Variants in MIOS observed in about 807,000 individuals in gnomAD.
MIOS encodes the protein meiosis regulator for oocyte development, also known as GATOR2 complex protein MIOS.
Under a neutral mutation model 96.9 loss-of-function variants are expected in MIOS, and 52 were observed. The ratio of observed to expected loss-of-function variants is 0.54; its 90% confidence interval spans 0.43 to 0.68. The LOEUF (loss-of-function observed/expected upper bound fraction) is 0.68. Among genes scored for constraint, MIOS ranks in the 30% least tolerant of loss-of-function variants. The probability of loss-of-function intolerance (pLI) is 0.00; values close to 1 mark genes in which losing one functional copy is unlikely to be tolerated. For missense variants in MIOS, 1,005 were observed against 1,052.8 expected (o/e 0.95, Z 0.63); for synonymous variants, 397 against 359.5 (o/e 1.10, Z -1.18).
In MIOS at chr7:7,573,333, A is replaced by T; in HGVS notation, c.858A>T (p.Leu286Phe). The T allele has an allele frequency of 6.2e-7, 1 of 1,614,138 alleles. No individual in the cohort carries two copies. Residue 286 changes from leucine to phenylalanine, a missense_variant, in exon 4 of 13, where the codon TTA (leucine) becomes TTT (phenylalanine). Leu to Phe is a conservative substitution (Grantham distance 22). Transcript: ENST00000340080. This position sits in a 1 kb window ranked among gnomAD's most constrained non-coding sequence, Gnocchi z 5.0. ...CTAGGACTGGTCTACTTGCCACTTT[A>T]ACAAGGGATAGTAATATTATTAGAT... The part of the protein sequence containing the change: ...CPTRTGLLAT[L>F]TRDSNIIRLY...
rs17464197 is a variant in MIOS, at chr7:7,585,608, T to C, written c.1649-28T>C. 8.1e-3 allele frequency: 12,513 copies of C among 1,550,810 alleles called. 83 individuals are homozygous for C. The highest frequency in any genetic ancestry group is 0.023 in the Admixed American group (1,166 of 50,122). ...AGAGATATTAAGCTTTTGATCACTT[T>C]GATTAGCTGGCTGTTTTTAATATGC... On this transcript the variant is annotated intron_variant, in intron 6 of 12. Coordinates refer to ENST00000340080, the MANE Select transcript of MIOS (RefSeq NM_019005.4).
intron 7 of MIOS, among the ~76,000 whole-genome samples, chr7:7,586,568 C>A (rs1320250482): frequency 6.6e-6 from 1 of 152,078 alleles, no homozygotes; most frequent in East Asian, 1.9e-4. Context: ...GCTACTGTAC[C>A]ATTTCTTATC....
chr7:7,603,609 TGGTG>T (rs1376593055), intron 11 of MIOS, among the ~76,000 whole-genome samples: 1 of 152,206 alleles, frequency 6.6e-6, no homozygotes, highest in Non-Finnish European at 1.5e-5. Context: ...TTTACACTGT[TGGTG>T]GGACTGTAAA....
intron 1 of MIOS, 197 bp downstream of exon 1, chr7:7,567,269 G>T (rs1425970352): frequency 6.6e-6 from 1 of 152,384 alleles, no homozygotes; most frequent in East Asian, 1.9e-4. Context: ...GCGGCCGTGG[G>T]ACCTGCGGAG....
At chr7:7,603,515 C>G (rs937744299) in intron 11 of MIOS, among the ~76,000 whole-genome samples, 32 of 152,246 alleles carry the variant, frequency 2.1e-4, no homozygotes, top group Non-Finnish European at 4.4e-4. Flanking sequence ...CAATGAGATA[C>G]CATCTCACAC....
At position 7,608,921 on chromosome 7, in the gene MIOS, G is replaced by A. The variant is rs1362860941; in HGVS notation, c.*1829G>A. On this transcript the variant is annotated 3_prime_UTR_variant, in exon 13 of 13. Coordinates refer to ENST00000340080, the MANE Select transcript of MIOS (RefSeq NM_019005.4). ...TGTGTCAACCTCTTAAATGTTTTCT[G>A]TGAAGCCCAAACATGCAGTTTATGT... The A allele has an allele frequency of 1.3e-5, 2 of 151,988 alleles. No homozygotes were observed. The highest frequency in any genetic ancestry group is 2.9e-5 in the Non-Finnish European group (2 of 67,946). 9.4% of individuals were successfully genotyped at this position (151,988 alleles called of 1,614,324 possible). A position where few individuals can be genotyped will look rare whatever the true frequency, so the allele number is the denominator to read the frequency against.
chr7:7,569,350 T>C (rs902564265), intron 3 of MIOS, among the ~76,000 whole-genome samples: 1 of 152,264 alleles, frequency 6.6e-6, no homozygotes, highest in African/African-American at 2.4e-5. Flanking sequence ...TCATGTTTGC[T>C]GCTGTGTTCC....
At chr7:7,582,698 C>A in intron 5 of MIOS, 1 of 820,848 alleles carries the variant, frequency 1.2e-6, no homozygotes, top group Non-Finnish European at 1.5e-6. Flanking sequence ...GTGAATAAAA[C>A]AGACAAGACA....
chr7:7,603,033 C>G (rs1421395081), intron 11 of MIOS, among the ~76,000 whole-genome samples: 1 of 151,690 alleles, frequency 6.6e-6, no homozygotes, highest in African/African-American at 2.4e-5. Flanking sequence ...AAAGCTGAAA[C>G]TGGATCCCTT....
chr7:7,573,872 A>T lies in MIOS; in HGVS notation c.1294+103A>T. The T allele has an allele frequency of 8.7e-7, 1 of 1,153,166 alleles. No individual in the cohort carries two copies. 71.4% of individuals were successfully genotyped at this position (1,153,166 alleles called of 1,614,324 possible). A position where few individuals can be genotyped will look rare whatever the true frequency, so the allele number is the denominator to read the frequency against. The stretch of plus-strand genomic sequence containing the variant: ...AATATGCTCAATGTTTTATATACAA[A>T]TACAAGTTACATAATACTAACATTA... On this transcript the variant is annotated intron_variant, in intron 4 of 12. Coordinates refer to ENST00000340080, the MANE Select transcript of MIOS (RefSeq NM_019005.4). This position sits in a 1 kb window ranked among gnomAD's most constrained non-coding sequence, Gnocchi z 5.0.
At chr7:7,585,415 C>CT (rs1563027906) in intron 6 of MIOS, among the ~76,000 whole-genome samples, 1 of 142,618 alleles carries the variant, frequency 7.0e-6, no homozygotes, top group Admixed American at 7.0e-5. Context: ...CAAACCCCCC[C>CT]CTTTTTTTTT....
rs146202840 is a variant in MIOS, at chr7:7,606,535, T to C, written c.2532-461T>C. On this transcript the variant is annotated intron_variant, in intron 12 of 12. Transcript: ENST00000340080. ...TTGAATGGTGCCAGTGGCCCTGTGC[T>C]CCTGGTTGATACAGCATTTATACCC... 2.6e-4 allele frequency among the ~76,000 whole-genome samples: 39 copies of C among 152,330 alleles called. No individual in the cohort carries two copies. The East Asian group carries it at 7.1e-3, about 28-fold the overall frequency.
intron 7 of MIOS, among the ~76,000 whole-genome samples, chr7:7,586,155 CGTGTGTGT>C (rs10527974): frequency 0.029 from 4,421 of 150,010 alleles, 173 homozygotes; most frequent in African/African-American, 0.087. Flanking sequence ...CACACATGCA[CGTGTGTGT>C]GTGTGTGTGT....
intron 11 of MIOS, among the ~76,000 whole-genome samples, chr7:7,603,229 C>T (rs1234637608): frequency 6.6e-6 from 1 of 151,638 alleles, no homozygotes; most frequent in African/African-American, 2.4e-5. Context: ...TCTAATTAAA[C>T]TAAAGAGCTT....
intron 11 of MIOS, among the ~76,000 whole-genome samples, chr7:7,598,947 T>C (rs1784293263): frequency 6.6e-6 from 1 of 152,080 alleles, no homozygotes; most frequent in Non-Finnish European, 1.5e-5. Flanking sequence ...TCTTTATATA[T>C]ATAATACATA....
At chr7:7,599,176 T>C (rs1398067747) in intron 11 of MIOS, among the ~76,000 whole-genome samples, 1 of 152,158 alleles carries the variant, frequency 6.6e-6, no homozygotes, top group African/African-American at 2.4e-5. Flanking sequence ...AAAAATAAAA[T>C]TACGGTAATC....
intron 12 of MIOS, among the ~76,000 whole-genome samples, 173 bp from the exon 13 acceptor site, chr7:7,606,823 C>T (rs1321312773): frequency 6.6e-6 from 1 of 152,112 alleles, no homozygotes. Context: ...CAGTGGTGCA[C>T]ACCTGTAGTC....
At chr7:7,591,678 C>A (rs1784052210) in intron 9 of MIOS, among the ~76,000 whole-genome samples, 1 of 152,098 alleles carries the variant, frequency 6.6e-6, no homozygotes, top group South Asian at 2.1e-4. Flanking sequence ...TTTTGGGTTT[C>A]TTCCAAGATT....
At chr7:7,604,651 T>C (rs78077293) in intron 11 of MIOS, among the ~76,000 whole-genome samples, 1,621 of 152,326 alleles carry the variant, frequency 0.011, 39 homozygotes, top group African/African-American at 0.037. Flanking sequence ...CCTAAAGTGT[T>C]CTGTGGCACT....
Sources: allele counts gnomAD v4.1 joint callset (sites outside exome capture counted in the v4.1 genomes callset), GRCh38; gene constraint gnomAD v4.1.1; non-coding constraint Gnocchi (gnomAD v3.1); transcripts MANE v1.5; gene names NCBI Gene and HGNC (gene_info 2026-07-23, HGNC 2026-07-21).